ARHGAP20: variants seen among roughly 807,000 people sequenced by gnomAD.
ARHGAP20 encodes the protein Rho GTPase activating protein 20, also known as rho GTPase-activating protein 20.
In ARHGAP20, 34 loss-of-function variants were observed where a neutral mutation model predicts 73.7. The observed-to-expected ratio is 0.46, with a 90% confidence interval of 0.35 to 0.61. The LOEUF (loss-of-function observed/expected upper bound fraction) is 0.61. Ranked by LOEUF, ARHGAP20 falls within the 20% of genes least tolerant of loss-of-function variation. The pLI is 0.00. For synonymous variants in ARHGAP20, 523 were observed against 518.2 expected (o/e 1.01, Z -0.13); for missense variants, 1,314 against 1,420.9 (o/e 0.92, Z 1.21).
intron 1 of ARHGAP20, among the ~76,000 whole-genome samples, chr11:110,704,531 C>T (rs1267383599): frequency 6.6e-6 from 1 of 152,078 alleles, no homozygotes; most frequent in African/African-American, 2.4e-5. Flanking sequence ...TAAACTTGTC[C>T]TAGATAAAGA....
chr11:110,646,036 G>T (rs1949185676), intron 2 of ARHGAP20, among the ~76,000 whole-genome samples: 1 of 152,138 alleles, frequency 6.6e-6, no homozygotes, highest in Admixed American at 6.6e-5. Context: ...CTACCTGGGT[G>T]ATGGATTCAT....
chr11:110,623,263 G>A (rs570626047), intron 4 of ARHGAP20, among the ~76,000 whole-genome samples: 1 of 152,252 alleles, frequency 6.6e-6, no homozygotes, highest in African/African-American at 2.4e-5. Flanking sequence ...GTTTTGTGGT[G>A]GCAAGAAGAG....
At chr11:110,619,914 A>C (rs1418440436) in intron 4 of ARHGAP20, among the ~76,000 whole-genome samples, 3 of 152,240 alleles carry the variant, frequency 2.0e-5, no homozygotes, top group Non-Finnish European at 4.4e-5. Context: ...GTAAAGCATG[A>C]AAAGCTCACA....
At chr11:110,658,447 T>C (rs1453799506) in intron 2 of ARHGAP20, among the ~76,000 whole-genome samples, 4 of 152,136 alleles carry the variant, frequency 2.6e-5, no homozygotes. Context: ...TCCTATCTCC[T>C]CATTGGCACA....
intron 2 of ARHGAP20, among the ~76,000 whole-genome samples, chr11:110,687,790 A>G (rs1419606571): frequency 6.6e-6 from 1 of 152,222 alleles, no homozygotes; most frequent in African/African-American, 2.4e-5. Flanking sequence ...TTCAATAAGT[A>G]CATGCTCAGA....
chr11:110,621,256 T>G (rs1480202591), intron 4 of ARHGAP20, among the ~76,000 whole-genome samples: 1 of 152,130 alleles, frequency 6.6e-6, no homozygotes, highest in East Asian at 1.9e-4. Context: ...TAGGTATAGT[T>G]TTCTTAATAG....
intron 2 of ARHGAP20, among the ~76,000 whole-genome samples, chr11:110,649,201 C>CA (rs1949294555): frequency 1.1e-5 from 1 of 87,094 alleles, no homozygotes; most frequent in East Asian, 3.1e-4. Context: ...ATTATTAAAC[C>CA]TTTTTTTTTT....
chr11:110,585,115 A>G (rs575815919), intron 12 of ARHGAP20, among the ~76,000 whole-genome samples: 1 of 150,054 alleles, frequency 6.7e-6, no homozygotes, highest in Non-Finnish European at 1.5e-5. Context: ...ATATGTGAAT[A>G]TATATGAATA....
chr11:110,614,746 A>C (rs182800969), intron 5 of ARHGAP20, 101 bp from the exon 6 acceptor site: 15 of 735,644 alleles, frequency 2.0e-5, no homozygotes, highest in Non-Finnish European at 3.0e-5. Flanking sequence ...TTTCCAATAT[A>C]CTTATATGCT....
chr11:110,644,337 G>A (rs137913010), intron 2 of ARHGAP20, among the ~76,000 whole-genome samples: 2,102 of 151,940 alleles, frequency 0.014, 30 homozygotes, highest in Middle Eastern at 0.034. Context: ...AAAAAGACAC[G>A]AAATAGTCAA....
chr11:110,625,100 C>T (rs1408651833), intron 3 of ARHGAP20, among the ~76,000 whole-genome samples: 1 of 148,810 alleles, frequency 6.7e-6, no homozygotes, highest in East Asian at 2.0e-4. Flanking sequence ...TGCAGTGGCG[C>T]AATCTCGGCT....
At chr11:110,648,235 A>T (rs1298967493) in intron 2 of ARHGAP20, among the ~76,000 whole-genome samples, 1 of 82,158 alleles carries the variant, frequency 1.2e-5, no homozygotes, top group African/African-American at 5.5e-5. Context: ...ATATATATAT[A>T]TGTAAATATA....
chr11:110,643,624 T>C (rs1455095979), intron 2 of ARHGAP20, among the ~76,000 whole-genome samples: 1 of 152,096 alleles, frequency 6.6e-6, no homozygotes, highest in African/African-American at 2.4e-5. Flanking sequence ...CATTGTGGTC[T>C]AAGAGTATGC....
chr11:110,590,789 A>G lies in ARHGAP20; in HGVS notation c.1164T>C (p.Asn388=), dbSNP rs1401987087. The G allele has an allele frequency of 3.9e-5, 63 of 1,613,344 alleles. No homozygotes were observed. Among genetic ancestry groups the G allele is most frequent in the Non-Finnish European group, 5.3e-5 (63 of 1,179,842 alleles). The change falls in exon 11 of 15, where the codon AAT becomes AAC. Residue 388 remains asparagine (N), a synonymous_variant. Transcript: ENST00000683387. ...TACCTTTGGTGAGAGGTCCTTTTTG[A>G]TTAAGAAAGAAAAGCATATCCTATG... ...KPVLDMLFFL[N]QKGPLTKGIF... is the part of the protein sequence containing the mutation.
intron 2 of ARHGAP20, among the ~76,000 whole-genome samples, chr11:110,689,078 A>G (rs1485314787): frequency 6.7e-6 from 1 of 149,986 alleles, no homozygotes; most frequent in Non-Finnish European, 1.5e-5. Flanking sequence ...GGCTCACTGC[A>G]AGCTCCGCCT....
At position 110,578,130 on chromosome 11, in the gene ARHGAP20, CT is replaced by C. The variant is rs1157507383; in HGVS notation, c.*1239del. ...AGGTGACGAGATGTACTGCTGCAAC[CT>C]TTAAGTCAAGAAAGCAGAGAAAGAA... On this transcript the variant is annotated 3_prime_UTR_variant, in exon 15 of 15. Coordinates refer to ENST00000683387, the MANE Select transcript of ARHGAP20 (RefSeq NM_001384657.1). 4 of 985,260 alleles carry C rather than the reference CT, an allele frequency of 4.1e-6. No homozygotes were observed. Among genetic ancestry groups the C allele is most frequent in the Non-Finnish European group, 4.8e-6 (4 of 829,948 alleles). 61.0% of individuals were successfully genotyped at this position (985,260 alleles called of 1,614,324 possible).
chr11:110,611,955 A>C (rs1021746860), intron 6 of ARHGAP20, among the ~76,000 whole-genome samples: 6 of 152,212 alleles, frequency 3.9e-5, no homozygotes, highest in African/African-American at 1.4e-4. Context: ...GTGGCCACTA[A>C]GATTTTAATT....
At chr11:110,597,794 C>T in intron 9 of ARHGAP20, among the ~76,000 whole-genome samples, 1 of 152,182 alleles carries the variant, frequency 6.6e-6, no homozygotes, top group Non-Finnish European at 1.5e-5. Flanking sequence ...ATTATATATA[C>T]ACACGGCATT....
chr11:110,705,166 T>C lies in ARHGAP20; in HGVS notation c.105+6961A>G, dbSNP rs563174226. ...CATAAAGCATAACATGCCTTTACTTTGAAAAGAATAGCCACCAAGTCCTGG... is the reference window on the plus strand; with the variant it reads ...CATAAAGCATAACATGCCTTTACTTCGAAAAGAATAGCCACCAAGTCCTGG... On this transcript the variant is annotated intron_variant, in intron 1 of 14. Transcript: ENST00000683387. 9.8e-5 allele frequency among the ~76,000 whole-genome samples: 15 copies of C among 152,304 alleles called. No individual in the cohort carries two copies. The East Asian group carries it at 2.7e-3, about 27-fold the overall frequency.
Sources: allele counts gnomAD v4.1 joint callset (sites outside exome capture counted in the v4.1 genomes callset), GRCh38; gene constraint gnomAD v4.1.1; transcripts MANE v1.5; gene names NCBI Gene and HGNC (gene_info 2026-07-23, HGNC 2026-07-21).